OPCML: variants seen among roughly 807,000 people sequenced by gnomAD.
OPCML encodes the protein opioid binding protein/cell adhesion molecule like, also known as opioid-binding protein/cell adhesion molecule.
Under a neutral mutation model 37.8 loss-of-function variants are expected in OPCML, and 13 were observed. The observed-to-expected ratio is 0.34, with a 90% confidence interval of 0.22 to 0.55. The LOEUF (loss-of-function observed/expected upper bound fraction) is 0.55. Among genes scored for constraint, OPCML ranks in the 20% least tolerant of loss-of-function variants. The pLI is 0.91. For synonymous variants in OPCML, 176 were observed against 168.8 expected, an observed-to-expected ratio of 1.04 and a Z score of -0.33; for missense variants, 341 against 435.6, an observed-to-expected ratio of 0.78 and a Z score of 1.93.
chr11:133,439,534 C>T (rs1017326141), intron 1 of OPCML, among the ~76,000 whole-genome samples: 3 of 151,948 alleles, frequency 2.0e-5, no homozygotes, highest in African/African-American at 7.3e-5. Context: ...GTGGCTCCAT[C>T]TCTGCTCACT....
At chr11:133,496,521 C>A (rs1024258300) in intron 1 of OPCML, among the ~76,000 whole-genome samples, 2 of 152,066 alleles carry the variant, frequency 1.3e-5, no homozygotes, top group East Asian at 3.9e-4. Flanking sequence ...TTGGTTCTAC[C>A]CATCCATGAG....
rs201194021 is a variant in OPCML at position 133,373,122 on chromosome 11, T to TA, written c.61+159141dup. On this transcript the variant is annotated intron_variant, in intron 1 of 7. Transcript: ENST00000524381. Reference sequence around the variant, plus strand: ...CTTCATTTCCCATTCCACAAGCTCTTACGTTATAAAAACTGCCTCTGCTAC... The same window carrying TA: ...CTTCATTTCCCATTCCACAAGCTCTTAACGTTATAAAAACTGCCTCTGCTAC... 6.0e-3 allele frequency among the ~76,000 whole-genome samples: 914 copies of TA among 152,204 alleles called. 16 individuals carry two copies. Among genetic ancestry groups the TA allele is most frequent in the African/African-American group, 0.021 (873 of 41,528 alleles).
chr11:132,565,096 C>T (rs1431458212), intron 3 of OPCML, among the ~76,000 whole-genome samples: 1 of 152,174 alleles, frequency 6.6e-6, no homozygotes, highest in East Asian at 1.9e-4. Flanking sequence ...TCTCTACAAT[C>T]TGTCAGACTT....
intron 1 of OPCML, among the ~76,000 whole-genome samples, chr11:133,441,154 A>G (rs991631624): frequency 6.6e-6 from 1 of 152,068 alleles, no homozygotes; most frequent in African/African-American, 2.4e-5. Context: ...TAGAATTTGT[A>G]ATTAAAAATA....
chr11:133,016,254 C>T (rs1333134257), intron 1 of OPCML, among the ~76,000 whole-genome samples: 1 of 152,202 alleles, frequency 6.6e-6, no homozygotes, highest in Non-Finnish European at 1.5e-5. Context: ...AGGGGTCAAA[C>T]AGCCTGGATT....
chr11:133,112,311 G>GAAAAAAAAAAAAAAAAAAA (rs1491223305), intron 1 of OPCML, among the ~76,000 whole-genome samples: 2 of 79,032 alleles, frequency 2.5e-5, no homozygotes, highest in Non-Finnish European at 2.1e-5. Context: ...AAAAAAAAAA[G>GAAAAAAAAAAAAAAAAAAA]GGGAAAGAAA....
At chr11:132,453,719 A>G (rs1195161131) in intron 4 of OPCML, among the ~76,000 whole-genome samples, 1 of 152,224 alleles carries the variant, frequency 6.6e-6, no homozygotes, top group Non-Finnish European at 1.5e-5. Context: ...GGGCTGGTAC[A>G]AAGAAACATA....
rs554275990 is a variant in OPCML at position 132,561,243 on chromosome 11, C to A, written c.380-32057G>T. On this transcript the variant is annotated intron_variant, in intron 3 of 7. Transcript: ENST00000524381. ...TGTCTTAAGTGAACTACTCCAACTA[C>A]CTGCTACCTGGCTTGCTGCCTTGAG... 5.1e-4 allele frequency among the ~76,000 whole-genome samples: 77 copies of A among 152,334 alleles called. 1 individual carries two copies. The highest frequency in any genetic ancestry group is 1.8e-3 in the African/African-American group (74 of 41,580).
chr11:133,296,708 T>C (rs12808983), intron 1 of OPCML, among the ~76,000 whole-genome samples: 7,373 of 152,282 alleles, frequency 0.048, 203 homozygotes, highest in Middle Eastern at 0.071. Context: ...GTGTATTCAA[T>C]GGGTATATAA....
At chr11:132,810,091 C>T (rs974425007) in intron 2 of OPCML, among the ~76,000 whole-genome samples, 11 of 152,042 alleles carry the variant, frequency 7.2e-5, no homozygotes, top group Admixed American at 6.5e-4. Context: ...CCTCGTGATC[C>T]GCCCGCCTCA....
intron 2 of OPCML, among the ~76,000 whole-genome samples, chr11:132,669,405 G>A (rs1432352605): frequency 2.9e-5 from 1 of 34,802 alleles, no homozygotes; most frequent in Non-Finnish European, 6.4e-5. Flanking sequence ...GGGCACCATG[G>A]AAAAGGGAAA....
chr11:132,474,764 CA>C (rs2096149615), intron 4 of OPCML, among the ~76,000 whole-genome samples: 1 of 152,178 alleles, frequency 6.6e-6, no homozygotes, highest in Admixed American at 6.5e-5. Context: ...CCTGAACCAG[CA>C]TATGTTATTG....
At chr11:132,781,410 C>A (rs181162902) in intron 2 of OPCML, among the ~76,000 whole-genome samples, 68 of 152,072 alleles carry the variant, frequency 4.5e-4, no homozygotes, top group Admixed American at 2.6e-3. Context: ...AAACATTAGC[C>A]CTCCCTAGGT....
intron 1 of OPCML, among the ~76,000 whole-genome samples, chr11:133,179,665 C>T (rs1456785283): frequency 6.6e-6 from 1 of 152,162 alleles, no homozygotes; most frequent in Non-Finnish European, 1.5e-5. Context: ...CAAAGAGGGA[C>T]TGTGACCACT....
chr11:132,569,352 A>G (rs1463812230), intron 3 of OPCML, among the ~76,000 whole-genome samples: 1 of 152,096 alleles, frequency 6.6e-6, no homozygotes, highest in Non-Finnish European at 1.5e-5. Context: ...GAAGCAATCA[A>G]CTCTGCTGAC....
At chr11:133,336,015 A>C (rs1943737268) in intron 1 of OPCML, among the ~76,000 whole-genome samples, 1 of 152,136 alleles carries the variant, frequency 6.6e-6, no homozygotes, top group African/African-American at 2.4e-5. Flanking sequence ...CCAATAAAGC[A>C]TGCCAGGATG....
intron 1 of OPCML, among the ~76,000 whole-genome samples, chr11:133,348,426 G>A (rs974143299): frequency 6.6e-6 from 1 of 152,204 alleles, no homozygotes. Context: ...AATGAAGGGA[G>A]ATGTTTGGTA....
chr11:132,926,875 G>C (rs1396554628), intron 2 of OPCML, among the ~76,000 whole-genome samples: 1 of 151,850 alleles, frequency 6.6e-6, no homozygotes, highest in Non-Finnish European at 1.5e-5. Flanking sequence ...TATGAAAAAA[G>C]GGATGAAATA....
intron 2 of OPCML, among the ~76,000 whole-genome samples, chr11:132,816,325 G>A (rs890502484): frequency 1.3e-5 from 2 of 152,090 alleles, no homozygotes; most frequent in African/African-American, 4.8e-5. Flanking sequence ...GGTCTCTGTT[G>A]CAAATACTCA....
Sources: allele counts gnomAD v4.1 joint callset (sites outside exome capture counted in the v4.1 genomes callset), GRCh38; gene constraint gnomAD v4.1.1; transcripts MANE v1.5; gene names NCBI Gene and HGNC (gene_info 2026-07-23, HGNC 2026-07-21).